The following CASS4 variants were observed in gnomAD, a reference collection of about 807,000 sequenced individuals.
CASS4 encodes the protein cas scaffolding protein family member 4.
Under a neutral mutation model 54.2 loss-of-function variants are expected in CASS4, and 22 were observed. That is an observed-to-expected ratio of 0.41 (90% CI 0.29 to 0.58). CASS4 has a LOEUF of 0.58. Ranked by LOEUF, CASS4 falls within the 20% of genes least tolerant of loss-of-function variation. The pLI is 0.36. For missense variants in CASS4, 854 were observed against 986.7 expected (o/e 0.87, Z 1.80); for synonymous variants, 409 against 391.5 (o/e 1.04, Z -0.53).
chr20:56,458,612 C>T lies in CASS4; in HGVS notation c.2226C>T (p.Ser742=), dbSNP rs767407539. The change falls in exon 6 of 6, where the codon AGC becomes AGT. Residue 742 remains serine, a synonymous_variant. Transcript: ENST00000679887. ...EILRGSSHLC[S]LLKDVALATK... The stretch of plus-strand genomic sequence containing the variant: ...TCCGTGGCAGCAGTCACCTCTGCAG[C>T]CTGCTCAAGGACGTAGCGCTGGCCA... 1 of 1,614,010 alleles carries T rather than the reference C, an allele frequency of 6.2e-7. No homozygotes were observed. The highest frequency in any genetic ancestry group is 1.1e-5 in the South Asian group (1 of 91,070).
At chr20:56,441,329 G>A (rs972873590) in intron 2 of CASS4, among the ~76,000 whole-genome samples, 2 of 151,412 alleles carry the variant, frequency 1.3e-5, no homozygotes, top group African/African-American at 2.4e-5. Flanking sequence ...TATTGGCTGG[G>A]TGCGGTGGCT....
intron 1 of CASS4, among the ~76,000 whole-genome samples, chr20:56,436,374 G>GTA (rs60742243): frequency 0.038 from 5,145 of 135,304 alleles, 193 homozygotes; most frequent in African/African-American, 0.1. Context: ...ATATATATAT[G>GTA]TATATATATA....
At position 56,445,984 on chromosome 20, in the gene CASS4, G is replaced by C. The variant is rs1366353805; in HGVS notation, c.544G>C (p.Gly182Arg). The change falls in exon 3 of 6, where the codon GGC (glycine) becomes CGC (arginine). Residue 182 changes from glycine to arginine, a missense_variant. Gly to Arg is a moderately radical substitution (Grantham distance 125). Transcript: ENST00000679887. ...QVYDVPTQHRGPVVLKEPEKQ... is the reference protein window; with the variant it reads ...QVYDVPTQHRRPVVLKEPEKQ... The stretch of plus-strand genomic sequence containing the variant: ...GTATGACGTGCCTACCCAGCACCGG[G>C]GCCCCGTGGTCCTGAAGGTGAGCCT... 2 of 1,613,682 alleles carry C rather than the reference G, an allele frequency of 1.2e-6. No individual in the cohort carries two copies. Among genetic ancestry groups the C allele is most frequent in the South Asian group, 1.1e-5 (1 of 91,076 alleles).
chr20:56,458,187 T>TA (rs1477600560), intron 5 of CASS4, among the ~76,000 whole-genome samples, 153 bp from the exon 6 acceptor site: 1 of 152,044 alleles, frequency 6.6e-6, no homozygotes, highest in African/African-American at 2.4e-5. Flanking sequence ...ATTAATTTGT[T>TA]AGACAACTGT....
In CASS4 at chr20:56,430,960, T is replaced by G. The variant is rs1979876580; in HGVS notation, c.37-6204T>G. On this transcript the variant is annotated intron_variant, in intron 1 of 5. Coordinates refer to ENST00000679887, the MANE Select transcript of CASS4 (RefSeq NM_020356.4). This position sits in a 1 kb window ranked among gnomAD's most constrained non-coding sequence, Gnocchi z 4.2. ...TCGAAGCCACACTAGGAAGGTGACC[T>G]TTTGTTCTGAATGCAGTTCTAAGCA... 6.6e-6 allele frequency among the ~76,000 whole-genome samples: 1 copy of G among 152,206 alleles called. No individual in the cohort carries two copies. Among genetic ancestry groups the G allele is most frequent in the South Asian group, 2.1e-4 (1 of 4,832 alleles).
chr20:56,459,153 C>T lies in CASS4; in HGVS notation c.*406C>T, dbSNP rs1981481586. 2 of 169,114 alleles carry T rather than the reference C, an allele frequency of 1.2e-5. No homozygotes were observed. Among genetic ancestry groups the T allele is most frequent in the Non-Finnish European group, 2.6e-5 (2 of 77,792 alleles). 10.5% of individuals were successfully genotyped at this position (169,114 alleles called of 1,614,324 possible). On this transcript the variant is annotated 3_prime_UTR_variant, in exon 6 of 6. Coordinates refer to ENST00000679887, the MANE Select transcript of CASS4 (RefSeq NM_020356.4). ...GCAACCTCCGCCTTCTGGGTTGAAG[C>T]AATTCTCCCGCCTCAGCCTCCAGAG... is the stretch of plus-strand genomic sequence containing the variant.
rs1451395880 is a variant in CASS4, at chr20:56,452,301, T to C, written c.1125T>C (p.Asn375=). 6.2e-7 allele frequency: 1 copy of C among 1,613,734 alleles called. No homozygotes were observed. The highest frequency in any genetic ancestry group is 2.2e-5 in the East Asian group (1 of 44,896). Residue 375 remains asparagine, a synonymous_variant, in exon 5 of 6, where the codon AAT becomes AAC. Coordinates refer to ENST00000679887, the MANE Select transcript of CASS4 (RefSeq NM_020356.4). ...AGAAAGCCAAGGAGGTGTCAGAGAA[T>C]TCCGCGGGCCATAATTCCTCATGGT... is the stretch of plus-strand genomic sequence containing the variant. ...ELEKAKEVSE[N]SAGHNSSWFS...
intron 1 of CASS4, among the ~76,000 whole-genome samples, chr20:56,433,270 A>G (rs745458228): frequency 2.8e-4 from 42 of 152,216 alleles, no homozygotes; most frequent in Non-Finnish European, 5.3e-4. Context: ...GACATTTAAG[A>G]TAAGCCTGAA....
chr20:56,449,781 C>T (rs748075982), intron 3 of CASS4, among the ~76,000 whole-genome samples: 1 of 152,014 alleles, frequency 6.6e-6, no homozygotes, highest in Non-Finnish European at 1.5e-5. Flanking sequence ...TTATTGCTGT[C>T]GTGATGTGCA....
intron 1 of CASS4, among the ~76,000 whole-genome samples, chr20:56,415,934 GT>G (rs1297446009): frequency 2.0e-5 from 3 of 152,168 alleles, no homozygotes; most frequent in Admixed American, 2.0e-4. Flanking sequence ...TTTAAAACAC[GT>G]GATATTAGTG....
At chr20:56,419,378 CTG>C (rs1342696337) in intron 1 of CASS4, among the ~76,000 whole-genome samples, 1 of 152,200 alleles carries the variant, frequency 6.6e-6, no homozygotes, top group African/African-American at 2.4e-5. Flanking sequence ...ACTGAGAAGA[CTG>C]AGAAGAATAT....
chr20:56,450,252 G>A (rs1246093407), intron 3 of CASS4, among the ~76,000 whole-genome samples: 5 of 152,030 alleles, frequency 3.3e-5, no homozygotes, highest in African/African-American at 7.2e-5. Context: ...TCGAACTCCC[G>A]ACCTCAGGTG....
intron 2 of CASS4, among the ~76,000 whole-genome samples, chr20:56,442,867 C>T (rs1262670711): frequency 6.6e-6 from 1 of 151,794 alleles, no homozygotes; most frequent in African/African-American, 2.4e-5. Flanking sequence ...GATTGCCATA[C>T]TGGGCCTACG....
At chr20:56,439,639 G>A (rs553941996) in intron 2 of CASS4, among the ~76,000 whole-genome samples, 12 of 151,994 alleles carry the variant, frequency 7.9e-5, no homozygotes, top group African/African-American at 2.4e-4. Flanking sequence ...TTACTACGGC[G>A]CCCCTGCACT....
intron 1 of CASS4, among the ~76,000 whole-genome samples, chr20:56,429,745 C>T (rs1466210746): frequency 6.6e-6 from 1 of 152,154 alleles, no homozygotes; most frequent in Non-Finnish European, 1.5e-5. Flanking sequence ...CTAACTCCTC[C>T]TTACCCCCAG....
At chr20:56,454,053 C>T (rs558531052) in intron 5 of CASS4, among the ~76,000 whole-genome samples, 83 of 151,860 alleles carry the variant, frequency 5.5e-4, no homozygotes, top group African/African-American at 1.8e-3. Flanking sequence ...TGGTGGTGTG[C>T]GCCTGTAATT....
At chr20:56,438,538 A>G (rs1205251910) in intron 2 of CASS4, among the ~76,000 whole-genome samples, 1 of 152,062 alleles carries the variant, frequency 6.6e-6, no homozygotes, top group Non-Finnish European at 1.5e-5. Flanking sequence ...AGAAAGATCT[A>G]TTTAAACAAA....
chr20:56,426,195 G>A (rs926724921), intron 1 of CASS4, among the ~76,000 whole-genome samples: 3 of 152,314 alleles, frequency 2.0e-5, no homozygotes, highest in African/African-American at 7.2e-5. Context: ...TTCCAGTCCT[G>A]GCGTTGGCCC....
intron 3 of CASS4, among the ~76,000 whole-genome samples, chr20:56,449,483 G>T (rs1475770031): frequency 6.6e-6 from 1 of 152,044 alleles, no homozygotes; most frequent in African/African-American, 2.4e-5. Context: ...TAGGGGGAGG[G>T]ATAGCATTAG....
Sources: gnomAD v4.1 joint callset for allele counts (sites outside exome capture counted in the v4.1 genomes callset) on GRCh38, gnomAD v4.1.1 for gene constraint, Gnocchi (gnomAD v3.1) non-coding constraint, MANE v1.5 for transcripts, NCBI Gene and HGNC (gene_info 2026-07-23, HGNC 2026-07-21) for gene names.